XIRP2: variants seen among roughly 807,000 people sequenced by gnomAD.
XIRP2 encodes the protein xin actin-binding repeat-containing protein 2.
XIRP2 carries 236 observed loss-of-function variants against 277.0 expected under a neutral mutation model. The ratio of observed to expected loss-of-function variants is 0.85; its 90% CI spans 0.77 to 0.95. XIRP2 has a LOEUF of 0.95. XIRP2 is among the 40% of genes least tolerant of loss of function. The pLI, the probability that XIRP2 is intolerant of heterozygous loss-of-function variation, is 0.00. For synonymous variants in XIRP2, 1,490 were observed against 1,416.5 expected (o/e 1.05, Z -1.17); for missense variants, 4,640 against 4,157.5 (o/e 1.12, Z -3.19).
At chr2:166,890,483 G>A (rs1402934836) in intron 1 of XIRP2, among the ~76,000 whole-genome samples, 2 of 152,128 alleles carry the variant, frequency 1.3e-5, no homozygotes, top group Non-Finnish European at 2.9e-5. Context: ...GAAAAGGTGA[G>A]AACCAGAGCA....
In XIRP2 at chr2:167,254,123, A is replaced by G. The variant is rs760156330; in HGVS notation, c.10647A>G (p.Ser3549=). The G allele has an allele frequency of 2.5e-5, 40 of 1,610,724 alleles. No individual in the cohort carries two copies. Among genetic ancestry groups the G allele is most frequent in the Admixed American group, 1.7e-4 (10 of 59,758 alleles). The change falls in exon 10 of 11, where the codon TCA becomes TCG. Residue 3549 remains serine, a synonymous_variant. Coordinates refer to ENST00000409195, the MANE Select transcript of XIRP2 (RefSeq NM_152381.6). ...GVPSGRQAEF[S] ...CTAGTGGCAGACAAGCAGAATTTTCATAAGTCCTGCTTCCGATGCCACCAT... is the reference window on the plus strand; with the variant it reads ...CTAGTGGCAGACAAGCAGAATTTTCGTAAGTCCTGCTTCCGATGCCACCAT...
intron 2 of XIRP2, among the ~76,000 whole-genome samples, chr2:166,995,435 G>T (rs1275331651): frequency 1.3e-5 from 2 of 152,224 alleles, no homozygotes; most frequent in African/African-American, 2.4e-5. Flanking sequence ...GCCAGGATCA[G>T]TTAGGGCTGA....
At chr2:167,061,129 T>G (rs1689162817) in intron 2 of XIRP2, among the ~76,000 whole-genome samples, 1 of 152,152 alleles carries the variant, frequency 6.6e-6, no homozygotes, top group Admixed American at 6.5e-5. Context: ...GAAGAGGCAA[T>G]TATTCATTTC....
Position 166,913,328 on chromosome 2 carries a change from C to T in XIRP2, c.408+9438C>T, listed in dbSNP as rs1040287477. ...GGTGGGCACCCCCCCCCCCCAGCCT[C>T]GCTGCTGCCTTGCAGATCAATCTCA... is the stretch of plus-strand genomic sequence containing the variant. On this transcript the variant is annotated intron_variant, in intron 2 of 10. Coordinates refer to ENST00000409195, the MANE Select transcript of XIRP2 (RefSeq NM_152381.6). Among the ~76,000 whole-genome samples the T allele has an allele frequency of 2.8e-4, 43 of 151,454 alleles. 1 individual carries two copies. The highest frequency in any genetic ancestry group is 9.0e-4 in the African/African-American group (37 of 41,260).
intron 2 of XIRP2, among the ~76,000 whole-genome samples, chr2:167,073,094 C>A (rs1689474912): frequency 6.6e-6 from 1 of 152,046 alleles, no homozygotes; most frequent in Admixed American, 6.5e-5. Flanking sequence ...AAGGCTGTTA[C>A]AACATTTTAT....
intron 2 of XIRP2, among the ~76,000 whole-genome samples, chr2:166,924,489 G>T (rs1016748064): frequency 6.6e-6 from 1 of 151,352 alleles, no homozygotes; most frequent in Non-Finnish European, 1.5e-5. Flanking sequence ...AATTTTTTTT[G>T]AATTTTTTTC....
chr2:167,039,236 G>GA (rs558080692), intron 2 of XIRP2, among the ~76,000 whole-genome samples: 20 of 150,610 alleles, frequency 1.3e-4, no homozygotes, highest in African/African-American at 2.9e-4. Context: ...CTTAAATTGT[G>GA]AAAAAAAAAG....
rs1695180192 is a variant in XIRP2 at position 167,244,413 on chromosome 2, A to G, written c.3021A>G (p.Glu1007=). The change falls in exon 9 of 11, where the codon GAA becomes GAG. Residue 1007 remains glutamate (E), a synonymous_variant. Transcript: ENST00000409195. ...KYHQVKTVQQ[E]EIVRGDVRSC... Reference sequence around the variant, plus strand: ...ATCAAGTAAAGACAGTCCAGCAAGAAGAAATCGTAAGAGGTGATGTAAGAA... The same window carrying G: ...ATCAAGTAAAGACAGTCCAGCAAGAGGAAATCGTAAGAGGTGATGTAAGAA... 6.2e-7 allele frequency: 1 copy of G among 1,613,802 alleles called. No individual in the cohort carries two copies. The highest frequency in any genetic ancestry group is 2.2e-5 in the East Asian group (1 of 44,834).
intron 2 of XIRP2, among the ~76,000 whole-genome samples, chr2:167,082,862 G>C (rs1252721432): frequency 3.9e-5 from 6 of 152,044 alleles, no homozygotes; most frequent in African/African-American, 1.4e-4. Flanking sequence ...CAGATGAGTA[G>C]GTTGTGAACA....
chr2:166,940,379 C>A (rs139752081), intron 2 of XIRP2, among the ~76,000 whole-genome samples: 1 of 152,106 alleles, frequency 6.6e-6, no homozygotes, highest in South Asian at 2.1e-4. Flanking sequence ...AGCCTCTTTG[C>A]GATGGGTTTG....
At position 167,026,615 on chromosome 2, in the gene XIRP2, C is replaced by G. The variant is rs192155643; in HGVS notation, c.409-109294C>G. Among the ~76,000 whole-genome samples, 1,445 of 152,142 alleles carry G rather than the reference C, an allele frequency of 9.5e-3. 23 individuals are homozygous for G. The highest frequency in any genetic ancestry group is 0.032 in the African/African-American group (1,342 of 41,532). Reference sequence around the variant, plus strand: ...TACCAGTTGTTCCTTTCCATGTTTACTGCTTCCTTCAGGAGCTCTTTTAGG... The same window carrying G: ...TACCAGTTGTTCCTTTCCATGTTTAGTGCTTCCTTCAGGAGCTCTTTTAGG... On this transcript the variant is annotated intron_variant, in intron 2 of 10. Coordinates refer to ENST00000409195, the MANE Select transcript of XIRP2 (RefSeq NM_152381.6).
At chr2:167,092,856 C>A (rs189559483) in intron 2 of XIRP2, among the ~76,000 whole-genome samples, 16 of 152,224 alleles carry the variant, frequency 1.1e-4, no homozygotes, top group African/African-American at 3.9e-4. Flanking sequence ...AGACAGCCCA[C>A]TACTGAAGAA....
rs567854951 is a variant in XIRP2 at position 167,095,525 on chromosome 2, G to C, written c.409-40384G>C. On this transcript the variant is annotated intron_variant, in intron 2 of 10. Transcript: ENST00000409195. ...TTTATTGAGAGTTTTTTGCATGAAG[G>C]GGTGTTGAACTGTTTTGAAAGTCTT... 5.9e-5 allele frequency among the ~76,000 whole-genome samples: 9 copies of C among 152,174 alleles called. No individual in the cohort carries two copies. The South Asian group carries it at 8.3e-4, about 14-fold the overall frequency.
rs201741760 is a variant in XIRP2 at position 167,184,588 on chromosome 2, T to C, written c.563-26147T>C. 3.9e-4 allele frequency: 277 copies of C among 717,534 alleles called. No individual in the cohort carries two copies. Among genetic ancestry groups the C allele is most frequent in the African/African-American group, 3.2e-3 (182 of 57,354 alleles). The allele number at this position is 717,534 out of a possible 1,614,324, so 44.4% of individuals were successfully genotyped here. A position where few individuals can be genotyped will look rare whatever the true frequency, so the allele number is the denominator to read the frequency against. On this transcript the variant is annotated intron_variant, in intron 3 of 10. Transcript: ENST00000409195. ...CCCAGATTCTCAGGCTCCACCTGCA[T>C]CCAAAATTGACAAAGACCCCCAAGA...
intron 3 of XIRP2, among the ~76,000 whole-genome samples, chr2:167,148,455 C>A (rs1451459513): frequency 2.6e-5 from 3 of 115,472 alleles, no homozygotes; most frequent in Admixed American, 9.5e-5. Context: ...AAAAAGAAAG[C>A]AAGCAGGAAG....
chr2:167,239,163 C>T (rs768926421), intron 5 of XIRP2, among the ~76,000 whole-genome samples: 12 of 152,062 alleles, frequency 7.9e-5, no homozygotes, highest in Non-Finnish European at 1.8e-4. Context: ...CTTTTTGTAA[C>T]ATAAAAATGT....
In XIRP2 at chr2:167,239,883, CT is replaced by C; in HGVS notation, c.889del (p.Ser297GlnfsTer38). 6.2e-7 allele frequency: 1 copy of C among 1,609,738 alleles called. No individual in the cohort carries two copies. The highest frequency in any genetic ancestry group is 8.5e-7 in the Non-Finnish European group (1 of 1,178,452). ...QEAIHSSQVG[T>X]SRSSQEMARN... ...GCAATTCATAGCAGCCAGGTTGGCA[CT>C]TCAAGAAGCAGCCAGGAAATGGCAA... is the stretch of plus-strand genomic sequence containing the variant. On this transcript the variant is annotated frameshift_variant, in exon 6 of 11. Transcript: ENST00000409195. LOFTEE classifies it high-confidence loss of function.
chr2:167,125,488 C>A (rs1390840740), intron 2 of XIRP2, among the ~76,000 whole-genome samples: 2 of 152,126 alleles, frequency 1.3e-5, no homozygotes, highest in Non-Finnish European at 2.9e-5. Context: ...TGGCCTTGGG[C>A]AAGTTACTTA....
chr2:166,925,054 T>G (rs921680687), intron 2 of XIRP2, among the ~76,000 whole-genome samples: 6 of 152,046 alleles, frequency 3.9e-5, no homozygotes, highest in Non-Finnish European at 8.8e-5. Flanking sequence ...CCTACCAACA[T>G]GTGTTTTTCT....
Sources: allele counts gnomAD v4.1 joint callset (sites outside exome capture counted in the v4.1 genomes callset), GRCh38; gene constraint gnomAD v4.1.1; transcripts MANE v1.5; gene names NCBI Gene and HGNC (gene_info 2026-07-23, HGNC 2026-07-21).